The following RARB variants were observed in gnomAD, a reference collection of about 807,000 sequenced individuals.
RARB encodes the protein HBV-activated protein.
Under a neutral mutation model 51.9 loss-of-function variants are expected in RARB, and 17 were observed. The observed-to-expected ratio is 0.33, with a 90% CI of 0.22 to 0.49. The LOEUF is 0.49. Ranked by LOEUF, RARB falls within the 20% of genes least tolerant of loss-of-function variation. The pLI, the probability that RARB is intolerant of heterozygous loss-of-function variation, is 0.99. For synonymous variants in RARB, 215 were observed against 195.4 expected (o/e 1.10, Z -0.84); for missense variants, 369 against 550.8 (o/e 0.67, Z 3.30).
intron 1 of RARB, among the ~76,000 whole-genome samples, chr3:25,435,976 T>C (rs2125522016): frequency 6.6e-6 from 1 of 152,316 alleles, no homozygotes; most frequent in South Asian, 2.1e-4. Flanking sequence ...AGCTGAAAAA[T>C]GTAGCTAGAC....
chr3:24,832,443 C>T (rs1246496625), intron 1 of RARB, among the ~76,000 whole-genome samples: 1 of 151,694 alleles, frequency 6.6e-6, no homozygotes, highest in South Asian at 2.1e-4. Context: ...TACAGTGGAG[C>T]CTGGTGACTG....
intron 2 of RARB, among the ~76,000 whole-genome samples, chr3:25,045,465 A>C (rs1230452043): frequency 5.3e-5 from 8 of 152,124 alleles, no homozygotes; most frequent in Admixed American, 5.2e-4. Context: ...CTGACATTCA[A>C]AGCCAGAGCT....
upstream of RARB, among the ~76,000 whole-genome samples, chr3:25,426,335 A>G (rs1707987372): frequency 6.6e-6 from 1 of 152,284 alleles, no homozygotes; most frequent in African/African-American, 2.4e-5. Flanking sequence ...AGATTCAGCA[A>G]AAATCTCACC....
intron 3 of RARB, among the ~76,000 whole-genome samples, chr3:25,078,784 GC>G (rs1664138064): frequency 6.6e-6 from 1 of 152,106 alleles, no homozygotes; most frequent in African/African-American, 2.4e-5. Flanking sequence ...GTCCGTCTTG[GC>G]CTCCCAGAGT....
chr3:25,537,053 G>T (rs1699171655), intron 3 of RARB, among the ~76,000 whole-genome samples: 1 of 152,228 alleles, frequency 6.6e-6, no homozygotes, highest in Non-Finnish European at 1.5e-5. Flanking sequence ...TGACTCCGGG[G>T]CCTCTCTATA....
At chr3:25,038,559 G>A (rs1698049587) in intron 2 of RARB, among the ~76,000 whole-genome samples, 1 of 152,136 alleles carries the variant, frequency 6.6e-6, no homozygotes, top group African/African-American at 2.4e-5. Flanking sequence ...AGGTGATGAA[G>A]TGGTGCCAAG....
intron 5 of RARB, among the ~76,000 whole-genome samples, chr3:25,250,240 T>G (rs1205902136): frequency 1.3e-5 from 2 of 152,062 alleles, no homozygotes; most frequent in African/African-American, 4.8e-5. Context: ...GGCAGGGTGA[T>G]CCCCAGGCAT....
At position 25,594,466 on chromosome 3, in the gene RARB, G is replaced by C. The variant is rs975167603; in HGVS notation, c.992-54G>C. On this transcript the variant is annotated intron_variant, in intron 6 of 7. Transcript: ENST00000330688. ...AGTAGGAATAAGGAAACAAGGAAGA[G>C]GGGAAAAGGGCATAAATCCTGATTT... 25 of 1,508,534 alleles carry C rather than the reference G, an allele frequency of 1.7e-5. No individual in the cohort carries two copies. In the African/African-American group the frequency reaches 3.4e-4, roughly 20 times the overall value. The allele number at this position is 1,508,534 out of a possible 1,614,324, so 93.4% of individuals were successfully genotyped here.
At chr3:25,467,434 A>G (rs1324831697) in intron 2 of RARB, among the ~76,000 whole-genome samples, 2 of 146,662 alleles carry the variant, frequency 1.4e-5, no homozygotes, top group African/African-American at 5.0e-5. Flanking sequence ...GTTGTTGCTC[A>G]CCATTAGCCT....
chr3:25,392,191 T>C (rs190746713), intron 5 of RARB, among the ~76,000 whole-genome samples: 45 of 152,254 alleles, frequency 3.0e-4, no homozygotes, highest in African/African-American at 1.0e-3. Context: ...CAAAGATCAA[T>C]TGGCTGTAAG....
At chr3:25,207,905 G>A (rs1023127074) in intron 5 of RARB, among the ~76,000 whole-genome samples, 11 of 152,250 alleles carry the variant, frequency 7.2e-5, no homozygotes, top group African/African-American at 2.6e-4. Context: ...GGTTGTACAA[G>A]CGTGGTGCTG....
chr3:25,294,959 A>G (rs570102033), intron 5 of RARB, among the ~76,000 whole-genome samples: 1 of 152,258 alleles, frequency 6.6e-6, no homozygotes, highest in African/African-American at 2.4e-5. Flanking sequence ...GCCCTTTACT[A>G]TGTGATTAGT....
At chr3:25,150,139 T>C (rs1205817479) in intron 4 of RARB, among the ~76,000 whole-genome samples, 2 of 151,696 alleles carry the variant, frequency 1.3e-5, no homozygotes, top group African/African-American at 4.8e-5. Context: ...AGGCACAGGT[T>C]GCAGTGAGCC....
intron 2 of RARB, among the ~76,000 whole-genome samples, chr3:24,863,995 C>A (rs1702803680): frequency 6.6e-6 from 1 of 152,122 alleles, no homozygotes; most frequent in Admixed American, 6.6e-5. Context: ...TCTTCATTAA[C>A]CCTGACTTGT....
At chr3:25,137,825 C>T (rs1283985967) in intron 4 of RARB, among the ~76,000 whole-genome samples, 1 of 152,068 alleles carries the variant, frequency 6.6e-6, no homozygotes, top group African/African-American at 2.4e-5. Context: ...TCACCCTGTC[C>T]TTTCGGCCCA....
At chr3:25,100,058 G>A (rs758292250) in intron 3 of RARB, among the ~76,000 whole-genome samples, 4 of 152,232 alleles carry the variant, frequency 2.6e-5, no homozygotes, top group African/African-American at 4.8e-5. Context: ...ACCTGGCTAC[G>A]CTTTTAGGGG....
intron 4 of RARB, among the ~76,000 whole-genome samples, chr3:25,579,906 G>A (rs1273476387): frequency 1.3e-5 from 2 of 152,176 alleles, no homozygotes; most frequent in East Asian, 3.9e-4. Flanking sequence ...GTGTTTTTAA[G>A]AGATTAACAA....
At chr3:25,122,650 C>T (rs973906909) in intron 3 of RARB, among the ~76,000 whole-genome samples, 1 of 152,080 alleles carries the variant, frequency 6.6e-6, no homozygotes, top group African/African-American at 2.4e-5. Context: ...TGTTCTAGCT[C>T]TATTAGTGAG....
intron 3 of RARB, among the ~76,000 whole-genome samples, chr3:25,084,986 G>A (rs1225924047): frequency 3.3e-5 from 5 of 152,006 alleles, no homozygotes; most frequent in African/African-American, 1.2e-4. Flanking sequence ...TCATTTATGT[G>A]CCATTCTTTA....
Sources: gnomAD v4.1 joint callset for allele counts (sites outside exome capture counted in the v4.1 genomes callset) on GRCh38, gnomAD v4.1.1 for gene constraint, MANE v1.5 for transcripts, NCBI Gene and HGNC (gene_info 2026-07-23, HGNC 2026-07-21) for gene names.